Variants in ERC2 observed in about 807,000 individuals in gnomAD.
ERC2 encodes the protein ERC protein 2.
ERC2 carries 42 observed loss-of-function variants against 114.8 expected under a neutral mutation model. The observed-to-expected ratio is 0.37, with a 90% confidence interval of 0.29 to 0.47. The LOEUF (loss-of-function observed/expected upper bound fraction) is 0.47. Ranked by LOEUF, ERC2 falls within the 20% of genes least tolerant of loss-of-function variation. The pLI is 0.99. For missense variants in ERC2, 939 were observed against 1,150.7 expected (o/e 0.82, Z 2.66); for synonymous variants, 454 against 425.5 (o/e 1.07, Z -0.82).
At chr3:56,131,940 C>T (rs574905901) in intron 6 of ERC2, among the ~76,000 whole-genome samples, 10 of 152,246 alleles carry the variant, frequency 6.6e-5, no homozygotes, top group African/African-American at 2.4e-4. Context: ...TCAAAATCAC[C>T]GTACCCCATA....
chr3:55,922,704 T>C (rs1247116657), intron 13 of ERC2, among the ~76,000 whole-genome samples: 2 of 152,158 alleles, frequency 1.3e-5, no homozygotes, highest in African/African-American at 2.4e-5. Context: ...CAGCTGAAAC[T>C]GCATCTGTCT....
At chr3:55,610,632 C>T (rs1368996508) in intron 17 of ERC2, 1 of 152,078 alleles carries the variant, frequency 6.6e-6, no homozygotes, top group Non-Finnish European at 1.5e-5. Context: ...CCTTGAGCCT[C>T]GGAGGTCAAG....
intron 3 of ERC2, among the ~76,000 whole-genome samples, chr3:56,246,671 TG>T (rs1576060676): frequency 1.3e-5 from 2 of 152,246 alleles, no homozygotes; most frequent in South Asian, 4.2e-4. Context: ...CCGATTCCAC[TG>T]ATGTCAGACC....
At chr3:56,271,956 T>C (rs917193762) in intron 3 of ERC2, among the ~76,000 whole-genome samples, 6 of 152,208 alleles carry the variant, frequency 3.9e-5, no homozygotes, top group Non-Finnish European at 7.3e-5. Context: ...TAGTATTCTG[T>C]GGTGGATATG....
At chr3:56,064,640 A>G (rs1334490990) in intron 7 of ERC2, among the ~76,000 whole-genome samples, 1 of 152,222 alleles carries the variant, frequency 6.6e-6, no homozygotes, top group Non-Finnish European at 1.5e-5. Context: ...TGTCTGAGGC[A>G]AACAGTAAAT....
Position 55,633,705 on chromosome 3 carries a change from G to T in ERC2, c.*39+50089C>A, listed in dbSNP as rs2059845516. ...TGGAGCTGCAGCAGTGAGGATAATGGGTGAAATGTTTGCCTTTATGGAGCT... is the reference window on the plus strand; with the variant it reads ...TGGAGCTGCAGCAGTGAGGATAATGTGTGAAATGTTTGCCTTTATGGAGCT... On this transcript the variant is annotated intron_variant, in intron 17 of 17. Coordinates refer to ENST00000288221, the MANE Select transcript of ERC2 (RefSeq NM_015576.3). 2.0e-5 allele frequency among the ~76,000 whole-genome samples: 3 copies of T among 152,276 alleles called. No homozygotes were observed. In the South Asian group the frequency reaches 6.2e-4, roughly 32 times the overall value.
chr3:56,237,285 C>T (rs2051013290), intron 3 of ERC2, among the ~76,000 whole-genome samples: 1 of 152,180 alleles, frequency 6.6e-6, no homozygotes, highest in Non-Finnish European at 1.5e-5. Flanking sequence ...CATGTGTTTA[C>T]TGCAAGAAGA....
At chr3:56,056,806 T>C (rs762915842) in intron 7 of ERC2, among the ~76,000 whole-genome samples, 1 of 152,196 alleles carries the variant, frequency 6.6e-6, no homozygotes, top group Admixed American at 6.5e-5. Context: ...CTGGAATGAA[T>C]GAAGACACCT....
intron 2 of ERC2, among the ~76,000 whole-genome samples, chr3:56,349,337 C>T (rs1255380470): frequency 6.6e-6 from 1 of 152,176 alleles, no homozygotes; most frequent in Admixed American, 6.5e-5. Flanking sequence ...GAACCATTGG[C>T]TACAAATAAG....
intron 14 of ERC2, among the ~76,000 whole-genome samples, chr3:55,765,798 T>C (rs113820672): frequency 6.6e-6 from 1 of 152,348 alleles, no homozygotes; most frequent in African/African-American, 2.4e-5. Context: ...AACGTCTCTA[T>C]TCCCTGCCTG....
chr3:55,916,539 C>T (rs1275982821), intron 13 of ERC2, among the ~76,000 whole-genome samples: 2 of 152,106 alleles, frequency 1.3e-5, no homozygotes, highest in South Asian at 2.1e-4. Flanking sequence ...AAAGTTACAC[C>T]GACTACACCT....
At chr3:55,741,138 G>A (rs1335424150) in intron 14 of ERC2, among the ~76,000 whole-genome samples, 1 of 152,100 alleles carries the variant, frequency 6.6e-6, no homozygotes, top group East Asian at 1.9e-4. Context: ...TGGGTATACT[G>A]AATATAATTT....
chr3:55,730,202 G>A (rs373874543), intron 15 of ERC2, among the ~76,000 whole-genome samples: 4 of 152,092 alleles, frequency 2.6e-5, no homozygotes, highest in Admixed American at 2.0e-4. Flanking sequence ...CAGGGCCAAC[G>A]CTGCACCAGA....
Position 56,226,672 on chromosome 3 carries a change from A to G in ERC2, c.1075-53152T>C, listed in dbSNP as rs149514623. Reference sequence around the variant, plus strand: ...CTACGGGAATGACAAATGGGTCTCCACCCTACTCCCAGGCTACACTCTCAA... The same window carrying G: ...CTACGGGAATGACAAATGGGTCTCCGCCCTACTCCCAGGCTACACTCTCAA... On this transcript the variant is annotated intron_variant, in intron 3 of 17. Transcript: ENST00000288221. 8.5e-5 allele frequency among the ~76,000 whole-genome samples: 13 copies of G among 152,210 alleles called. No homozygotes were observed. In the East Asian group the frequency reaches 2.3e-3, roughly 27 times the overall value.
At chr3:56,425,370 C>T (rs2061528168) in intron 2 of ERC2, among the ~76,000 whole-genome samples, 1 of 152,056 alleles carries the variant, frequency 6.6e-6, no homozygotes, top group Non-Finnish European at 1.5e-5. Flanking sequence ...CAAGACCGCC[C>T]ACCACACAGA....
At chr3:56,066,630 T>C (rs2076495347) in intron 7 of ERC2, among the ~76,000 whole-genome samples, 1 of 152,240 alleles carries the variant, frequency 6.6e-6, no homozygotes, top group South Asian at 2.1e-4. Context: ...TCTTTGTCCA[T>C]GCCTATTTCC....
intron 12 of ERC2, among the ~76,000 whole-genome samples, chr3:55,952,782 G>A (rs2067670763): frequency 6.6e-6 from 1 of 152,160 alleles, no homozygotes; most frequent in Non-Finnish European, 1.5e-5. Context: ...CTCCCACAAA[G>A]TTCTTGGAGC....
intron 14 of ERC2, among the ~76,000 whole-genome samples, chr3:55,807,506 T>C (rs1001573742): frequency 6.6e-6 from 1 of 152,226 alleles, no homozygotes; most frequent in Admixed American, 6.5e-5. Flanking sequence ...GTGGGTCATA[T>C]GAACACTGTT....
chr3:55,567,409 A>C (rs1005878753), intron 17 of ERC2, among the ~76,000 whole-genome samples: 1 of 152,222 alleles, frequency 6.6e-6, no homozygotes, highest in Non-Finnish European at 1.5e-5. Flanking sequence ...TAGGTACCTT[A>C]TGGGACATGG....
Sources: gnomAD v4.1 joint callset for allele counts (sites outside exome capture counted in the v4.1 genomes callset) on GRCh38, gnomAD v4.1.1 for gene constraint, MANE v1.5 for transcripts, NCBI Gene and HGNC (gene_info 2026-07-23, HGNC 2026-07-21) for gene names.